SGK3: variants seen among roughly 807,000 people sequenced by gnomAD.
SGK3 encodes serine/threonine-protein kinase Sgk3.
In SGK3, 47 loss-of-function variants were observed where a neutral mutation model predicts 68.5. That is an observed-to-expected ratio of 0.69 (90% confidence interval 0.54 to 0.87). The LOEUF (loss-of-function observed/expected upper bound fraction) is 0.87. SGK3 is among the 40% of genes least tolerant of loss of function. The pLI, the probability that SGK3 is intolerant of heterozygous loss-of-function variation, is 0.00. For missense variants in SGK3, 479 were observed against 575.5 expected, an observed-to-expected ratio of 0.83 and a Z score of 1.72; for synonymous variants, 181 against 189.1, an observed-to-expected ratio of 0.96 and a Z score of 0.35.
chr8:66,798,489 TG>T (rs1182681488), intron 2 of SGK3, 52 bp from the exon 3 acceptor site: 1 of 1,492,736 alleles, frequency 6.7e-7, no homozygotes, highest in Non-Finnish European at 9.1e-7. Context: ...AAGTAGCTAA[TG>T]GGTTTTTTGC....
rs1809160305 is a variant in SGK3 at position 66,828,543 on chromosome 8, A to G, written c.418-111A>G. On this transcript the variant is annotated intron_variant, in intron 6 of 16. Coordinates refer to ENST00000521198, the MANE Select transcript of SGK3 (RefSeq NM_001033578.3). ...AATCAGGACTTTGGGTTTCTTTAAC[A>G]TGGCAACAAACCAAATATTTGTGGT... is the stretch of plus-strand genomic sequence containing the variant. 13 of 1,489,596 alleles carry G rather than the reference A, an allele frequency of 8.7e-6. No individual in the cohort carries two copies. The South Asian group carries it at 9.6e-5, about 11-fold the overall frequency. The allele number at this position is 1,489,596 out of a possible 1,614,324, so 92.3% of individuals were successfully genotyped here. A position where few individuals can be genotyped will look rare whatever the true frequency, so the allele number is the denominator to read the frequency against.
At chr8:66,744,383 A>T (rs1168567658) in intron 1 of SGK3, among the ~76,000 whole-genome samples, 2 of 147,144 alleles carry the variant, frequency 1.4e-5, no homozygotes, top group East Asian at 4.0e-4. Flanking sequence ...TGTGCTGTGT[A>T]CTCAATGGAC....
chr8:66,854,393 TA>T (rs1340586553), intron 16 of SGK3, among the ~76,000 whole-genome samples: 1 of 152,106 alleles, frequency 6.6e-6, no homozygotes, highest in Non-Finnish European at 1.5e-5. Context: ...AAATAATCCC[TA>T]AATTAAAAGT....
chr8:66,841,141 A>G, intron 13 of SGK3, 31 bp downstream of exon 13: 1 of 1,478,216 alleles, frequency 6.8e-7, no homozygotes, highest in Non-Finnish European at 9.1e-7. Flanking sequence ...TCATTTATAT[A>G]ATCATGTATA....
At chr8:66,755,094 A>T (rs1805934691) in intron 1 of SGK3, among the ~76,000 whole-genome samples, 1 of 152,126 alleles carries the variant, frequency 6.6e-6, no homozygotes, top group Non-Finnish European at 1.5e-5. Flanking sequence ...CCTCGTCTCT[A>T]CTAAAAATAC....
chr8:66,773,637 TA>T (rs1171781888), intron 1 of SGK3, among the ~76,000 whole-genome samples: 26 of 152,104 alleles, frequency 1.7e-4, no homozygotes, highest in Non-Finnish European at 1.5e-4. Context: ...TGAAGTAAAA[TA>T]AGGGTTCCTT....
In SGK3 at chr8:66,813,805, T is replaced by G. The variant is rs760989107; in HGVS notation, c.254-48T>G. ...CTATTATATAACTGTTGATGATAAT[T>G]GCATAGTCTGACATAAATAATCCTA... On this transcript the variant is annotated intron_variant, in intron 4 of 16. Coordinates refer to ENST00000521198, the MANE Select transcript of SGK3 (RefSeq NM_001033578.3). The G allele has an allele frequency of 4.5e-4, 660 of 1,471,508 alleles. 1 individual carries two copies. The highest frequency in any genetic ancestry group is 5.8e-4 in the Non-Finnish European group (639 of 1,104,454). The allele number at this position is 1,471,508 out of a possible 1,614,324, so 91.2% of individuals were successfully genotyped here. A position where few individuals can be genotyped will look rare whatever the true frequency, so the allele number is the denominator to read the frequency against.
At chr8:66,843,078 C>CA (rs1563656482) in intron 13 of SGK3, among the ~76,000 whole-genome samples, 1 of 152,000 alleles carries the variant, frequency 6.6e-6, no homozygotes, top group Admixed American at 6.5e-5. Flanking sequence ...CTCAAAAAAA[C>CA]AAAAAAATTA....
Position 66,789,527 on chromosome 8 carries a change from T to G in SGK3, c.-121-4089T>G, listed in dbSNP as rs186354964. On this transcript the variant is annotated intron_variant, in intron 1 of 16. Transcript: ENST00000521198. ...TATTACTAGGGAAATAAGCACAGGATGGGCCTATGGTCCTATTGGACCCAC... is the reference window on the plus strand; with the variant it reads ...TATTACTAGGGAAATAAGCACAGGAGGGGCCTATGGTCCTATTGGACCCAC... Among the ~76,000 whole-genome samples the G allele has an allele frequency of 1.4e-3, 220 of 152,338 alleles. 3 individuals are homozygous for G. Among genetic ancestry groups the G allele is most frequent in the Admixed American group, 0.012 (185 of 15,300 alleles).
chr8:66,746,520 T>G (rs1447147608), intron 1 of SGK3, among the ~76,000 whole-genome samples: 2 of 151,768 alleles, frequency 1.3e-5, no homozygotes, highest in African/African-American at 2.4e-5. Context: ...GCCAGGAGTT[T>G]GAGAACAGCC....
chr8:66,726,582 G>A (rs1274728080), intron 1 of SGK3, among the ~76,000 whole-genome samples: 1 of 152,042 alleles, frequency 6.6e-6, no homozygotes, highest in Non-Finnish European at 1.5e-5. Context: ...CAGATTTCAA[G>A]AAGAAAGCTG....
intron 1 of SGK3, among the ~76,000 whole-genome samples, chr8:66,738,471 C>T (rs1053580499): frequency 6.6e-6 from 1 of 152,190 alleles, no homozygotes; most frequent in Non-Finnish European, 1.5e-5. Flanking sequence ...TCGTTAGCCA[C>T]ATTGTGATCC....
intron 5 of SGK3, among the ~76,000 whole-genome samples, chr8:66,819,633 A>G (rs1469423051): frequency 6.6e-6 from 1 of 152,196 alleles, no homozygotes; most frequent in East Asian, 1.9e-4. Flanking sequence ...ATGTGCAGAG[A>G]AAAAGACTGA....
chr8:66,835,162 T>TG (rs1362328363), intron 8 of SGK3, among the ~76,000 whole-genome samples: 3 of 152,066 alleles, frequency 2.0e-5, no homozygotes. Context: ...CCCAGCTATT[T>TG]GGAAGACTGA....
At chr8:66,857,127 G>A (rs1011384933) in intron 16 of SGK3, among the ~76,000 whole-genome samples, 2 of 152,106 alleles carry the variant, frequency 1.3e-5, no homozygotes, top group Non-Finnish European at 2.9e-5. Context: ...TTTGTAGCCA[G>A]AATCCAAGAG....
At chr8:66,802,903 C>T (rs1442499166) in intron 3 of SGK3, among the ~76,000 whole-genome samples, 1 of 152,154 alleles carries the variant, frequency 6.6e-6, no homozygotes, top group Non-Finnish European at 1.5e-5. Context: ...CCCTAGCCAG[C>T]CCACCAGCCC....
At chr8:66,839,097 CA>C (rs1809661792) in intron 10 of SGK3, among the ~76,000 whole-genome samples, 1 of 151,806 alleles carries the variant, frequency 6.6e-6, no homozygotes, top group South Asian at 2.1e-4. Context: ...GAAAAAATAA[CA>C]CGTGGACCAA....
intron 2 of SGK3, among the ~76,000 whole-genome samples, chr8:66,795,071 A>AGG (rs1255629758): frequency 6.6e-6 from 1 of 152,168 alleles, no homozygotes; most frequent in Middle Eastern, 3.2e-3. Context: ...GCCTCTAAAA[A>AGG]GGGGGTTACC....
chr8:66,723,117 ATATATATATATATATTTTT>A (rs1403441510), intron 1 of SGK3, among the ~76,000 whole-genome samples: 18 of 49,756 alleles, frequency 3.6e-4, no homozygotes, highest in South Asian at 2.0e-3. Flanking sequence ...ATATATATAT[ATATATATATATATATTTTT>A]TTTTTTTTTT....
Sources: gnomAD v4.1 joint callset for allele counts (sites outside exome capture counted in the v4.1 genomes callset) on GRCh38, gnomAD v4.1.1 for gene constraint, MANE v1.5 for transcripts, NCBI Gene and HGNC (gene_info 2026-07-23, HGNC 2026-07-21) for gene names.